ROBO2: variants seen among roughly 807,000 people sequenced by gnomAD.
The protein encoded by ROBO2 is roundabout homolog 2.
A neutral mutation model predicts 160.8 loss-of-function variants in ROBO2; 53 were observed. That is an observed-to-expected ratio of 0.33 (90% CI 0.26 to 0.41). The LOEUF (loss-of-function observed/expected upper bound fraction) is 0.41. Ranked by LOEUF, ROBO2 falls within the 10% of genes least tolerant of loss-of-function variation. The pLI is 1.00. For missense variants in ROBO2, 1,577 were observed against 1,722.4 expected (o/e 0.92, Z 1.49); for synonymous variants, 664 against 611.7 (o/e 1.09, Z -1.26).
intron 2 of ROBO2, among the ~76,000 whole-genome samples, chr3:76,774,109 A>G (rs1269564088): frequency 6.6e-6 from 1 of 150,998 alleles, no homozygotes; most frequent in Non-Finnish European, 1.5e-5. Flanking sequence ...CTAAATCATA[A>G]ACACAATTAA....
chr3:76,003,959 T>G (rs919547731), intron 2 of ROBO2, among the ~76,000 whole-genome samples: 2 of 152,214 alleles, frequency 1.3e-5, no homozygotes, highest in African/African-American at 2.4e-5. Context: ...ATGTAGAAAC[T>G]TCAATGGTAT....
intron 2 of ROBO2, among the ~76,000 whole-genome samples, chr3:76,146,912 A>G (rs2071929670): frequency 6.6e-6 from 1 of 150,610 alleles, no homozygotes; most frequent in Non-Finnish European, 1.5e-5. Flanking sequence ...ATACACACAC[A>G]CACACACAAA....
intron 2 of ROBO2, among the ~76,000 whole-genome samples, chr3:76,818,438 T>G (rs1309443488): frequency 1.3e-5 from 2 of 152,126 alleles, no homozygotes; most frequent in African/African-American, 2.4e-5. Flanking sequence ...TCTCTGACTC[T>G]GTGGGTTGTC....
chr3:76,100,602 G>A (rs2069643894), intron 2 of ROBO2, among the ~76,000 whole-genome samples: 1 of 152,042 alleles, frequency 6.6e-6, no homozygotes, highest in Non-Finnish European at 1.5e-5. Flanking sequence ...AGTTATTGGG[G>A]GATATTAAGG....
intron 2 of ROBO2, among the ~76,000 whole-genome samples, chr3:76,070,340 G>A (rs1409216593): frequency 6.6e-6 from 1 of 152,136 alleles, no homozygotes; most frequent in Non-Finnish European, 1.5e-5. Context: ...TGGCCCCGCT[G>A]GGCGTGGTCA....
intron 2 of ROBO2, among the ~76,000 whole-genome samples, chr3:76,244,263 T>G (rs995673047): frequency 1.3e-5 from 2 of 152,220 alleles, no homozygotes; most frequent in Non-Finnish European, 1.5e-5. Context: ...ACATCACTTC[T>G]TCCTTTGTCT....
chr3:76,119,898 TC>T (rs2070654513), intron 2 of ROBO2, among the ~76,000 whole-genome samples: 20 of 113,972 alleles, frequency 1.8e-4, no homozygotes, highest in African/African-American at 7.2e-4. Flanking sequence ...TTCCCTTCCT[TC>T]CCTTCCTTCC....
chr3:76,471,398 A>G (rs908720116), intron 2 of ROBO2, among the ~76,000 whole-genome samples: 3 of 152,114 alleles, frequency 2.0e-5, no homozygotes, highest in East Asian at 1.9e-4. Context: ...TGGTTCAACA[A>G]TAAGCTGTGA....
intron 2 of ROBO2, among the ~76,000 whole-genome samples, chr3:76,094,527 G>A (rs907205046): frequency 6.6e-6 from 1 of 152,204 alleles, no homozygotes; most frequent in Admixed American, 6.5e-5. Flanking sequence ...TTCTCTGGAA[G>A]ATCCACAAAT....
At chr3:77,163,784 T>C (rs568488416) in intron 2 of ROBO2, among the ~76,000 whole-genome samples, 40 of 152,306 alleles carry the variant, frequency 2.6e-4, no homozygotes, top group African/African-American at 9.4e-4. Flanking sequence ...TGGTTTATAA[T>C]CTTTGAACTG....
intron 2 of ROBO2, among the ~76,000 whole-genome samples, chr3:76,650,847 A>T (rs1233340673): frequency 6.6e-6 from 1 of 152,192 alleles, no homozygotes; most frequent in Non-Finnish European, 1.5e-5. Flanking sequence ...ATTTCAAGAA[A>T]ATACAGGAAA....
intron 2 of ROBO2, among the ~76,000 whole-genome samples, chr3:77,463,832 C>T (rs546649232): frequency 1.3e-5 from 2 of 152,198 alleles, no homozygotes; most frequent in South Asian, 2.1e-4. Context: ...CCCCCGACCT[C>T]GTGGCCTGTC....
intron 2 of ROBO2, among the ~76,000 whole-genome samples, chr3:76,181,313 A>AT (rs905971966): frequency 6.6e-6 from 1 of 152,110 alleles, no homozygotes; most frequent in African/African-American, 2.4e-5. Context: ...TGTTGGATTA[A>AT]TTTTTTATTT....
At chr3:76,899,033 T>C (rs953860882) in intron 2 of ROBO2, among the ~76,000 whole-genome samples, 27 of 152,102 alleles carry the variant, frequency 1.8e-4, no homozygotes, top group African/African-American at 5.8e-4. Flanking sequence ...TGAACACCTA[T>C]TCCATGTGTT....
chr3:77,324,066 C>T (rs781772943), intron 2 of ROBO2, among the ~76,000 whole-genome samples: 4 of 152,118 alleles, frequency 2.6e-5, no homozygotes, highest in Non-Finnish European at 4.4e-5. Flanking sequence ...GAGAGGGTCT[C>T]CCAATTTGCT....
chr3:76,197,080 CTTT>C (rs1702294608), intron 2 of ROBO2, among the ~76,000 whole-genome samples: 2 of 152,094 alleles, frequency 1.3e-5, no homozygotes, highest in Non-Finnish European at 2.9e-5. Context: ...ACAACAAGGA[CTTT>C]CTCCTTTTGG....
chr3:76,018,748 T>C (rs1245599288), intron 2 of ROBO2, among the ~76,000 whole-genome samples: 1 of 151,846 alleles, frequency 6.6e-6, no homozygotes, highest in Non-Finnish European at 1.5e-5. Context: ...GTTCCATGCG[T>C]ATCTGAGAAT....
At chr3:77,317,005 T>G (rs1182862621) in intron 2 of ROBO2, 4 of 1,525,988 alleles carry the variant, frequency 2.6e-6, no homozygotes, top group Non-Finnish European at 3.6e-6. Context: ...CTCCAACTTC[T>G]TGTTCACCTT....
At chr3:76,383,533 A>G (rs2076735012) in intron 2 of ROBO2, among the ~76,000 whole-genome samples, 1 of 152,194 alleles carries the variant, frequency 6.6e-6, no homozygotes, top group African/African-American at 2.4e-5. Context: ...GTTTTTCCTG[A>G]TAAATAGTGC....
Sources: allele counts gnomAD v4.1 joint callset (sites outside exome capture counted in the v4.1 genomes callset), GRCh38; gene constraint gnomAD v4.1.1; transcripts MANE v1.5; gene names NCBI Gene and HGNC (gene_info 2026-07-23, HGNC 2026-07-21).